The following ELP4 variants were observed in gnomAD, a reference collection of about 807,000 sequenced individuals.
ELP4 encodes elongator acetyltransferase complex subunit 4, also known as elongator complex protein 4.
In ELP4, 51 loss-of-function variants were observed where a neutral mutation model predicts 48.9. The ratio of observed to expected loss-of-function variants is 1.04; its 90% CI spans 0.83 to 1.32. ELP4 has a LOEUF of 1.32. Ranked by LOEUF, ELP4 falls within the 40% of genes most tolerant of loss-of-function variation. ELP4 has a pLI of 0.00. For synonymous variants in ELP4, 210 were observed against 189.2 expected (o/e 1.11, Z -0.90); for missense variants, 519 against 514.6 (o/e 1.01, Z -0.08).
chr11:31,559,706 C>T (rs1002094680), intron 3 of ELP4, among the ~76,000 whole-genome samples: 10 of 151,992 alleles, frequency 6.6e-5, no homozygotes, highest in Admixed American at 1.3e-4. Flanking sequence ...GAGTTCGAGA[C>T]CAGCCTGACC....
rs970675613 is a variant in ELP4, at chr11:31,545,350, T to G, written c.381+5567T>G. Among the ~76,000 whole-genome samples, 6 of 152,266 alleles carry G rather than the reference T, an allele frequency of 3.9e-5. No homozygotes were observed. In the East Asian group the frequency reaches 9.7e-4, roughly 25 times the overall value. On this transcript the variant is annotated intron_variant, in intron 3 of 9. Coordinates refer to ENST00000640961, the MANE Select transcript of ELP4 (RefSeq NM_019040.5). The stretch of plus-strand genomic sequence containing the variant: ...TATGTGAAGAATGCAGAAGCCTCAG[T>G]AGCCGATGCGATCAACTGGAAGAAA...
At chr11:31,634,657 G>T (rs1944934841) in intron 7 of ELP4, among the ~76,000 whole-genome samples, 1 of 151,896 alleles carries the variant, frequency 6.6e-6, no homozygotes, top group African/African-American at 2.4e-5. Context: ...ATGAGTGAAT[G>T]ATGTAGTGAT....
At chr11:31,667,329 G>A (rs1945701725) in intron 9 of ELP4, among the ~76,000 whole-genome samples, 1 of 152,034 alleles carries the variant, frequency 6.6e-6, no homozygotes, top group African/African-American at 2.4e-5. Flanking sequence ...ATAATCTTAT[G>A]AAGCAGTAGT....
chr11:31,571,255 C>T (rs1180201843), intron 3 of ELP4, among the ~76,000 whole-genome samples: 1 of 152,208 alleles, frequency 6.6e-6, no homozygotes, highest in Non-Finnish European at 1.5e-5. Flanking sequence ...GTTATTTCAA[C>T]AGTGTTCATA....
chr11:31,653,250 G>A (rs1244670706), intron 9 of ELP4: 1 of 151,596 alleles, frequency 6.6e-6, no homozygotes, highest in Non-Finnish European at 1.5e-5. Context: ...CATGCATTCT[G>A]GATAAGTAAA....
At chr11:31,654,351 G>C (rs1002834318) in intron 9 of ELP4, 5 of 151,678 alleles carry the variant, frequency 3.3e-5, no homozygotes, top group African/African-American at 1.2e-4. Flanking sequence ...CAAAAAAATA[G>C]TGTCAAAGTA....
chr11:31,673,452 C>T (rs1945852934), intron 9 of ELP4, among the ~76,000 whole-genome samples: 1 of 152,144 alleles, frequency 6.6e-6, no homozygotes, highest in Non-Finnish European at 1.5e-5. Flanking sequence ...CTGCCTCGTC[C>T]TCCCAAGTAA....
intron 5 of ELP4, among the ~76,000 whole-genome samples, chr11:31,626,836 T>C (rs993024864): frequency 6.6e-6 from 1 of 151,830 alleles, no homozygotes; most frequent in African/African-American, 2.4e-5. Context: ...TTCTTGGAGG[T>C]AACTAAGCCT....
intron 7 of ELP4, among the ~76,000 whole-genome samples, chr11:31,640,867 C>T (rs113291499): frequency 1.2e-4 from 18 of 151,798 alleles, no homozygotes; most frequent in African/African-American, 4.1e-4. Context: ...TTAAAATCAG[C>T]AAACCAAATG....
At chr11:31,652,073 G>C (rs938421012) in intron 9 of ELP4, 2 of 151,604 alleles carry the variant, frequency 1.3e-5, no homozygotes, top group African/African-American at 4.8e-5. Flanking sequence ...TCCCACTATG[G>C]TAAACTAAGA....
chr11:31,659,742 C>T (rs1347498197), intron 9 of ELP4, among the ~76,000 whole-genome samples: 4 of 152,056 alleles, frequency 2.6e-5, no homozygotes, highest in Non-Finnish European at 5.9e-5. Flanking sequence ...AATCTCAGCA[C>T]TTTGGGAGGC....
At chr11:31,594,705 A>G in intron 3 of ELP4, 65 bp from the exon 4 acceptor site, 4 of 1,173,234 alleles carry the variant, frequency 3.4e-6, no homozygotes, top group Non-Finnish European at 4.6e-6. Context: ...TGCTAATATT[A>G]TGGTTTAAGA....
Position 31,638,501 on chromosome 11 carries a change from A to G in ELP4, c.927+6096A>G, listed in dbSNP as rs1221250026. ...CCCAGCTATCTCATTGAAGAAAACT[A>G]TTACCAGCATGTTAGCTTATACCAA... On this transcript the variant is annotated intron_variant, in intron 7 of 9. Coordinates refer to ENST00000640961, the MANE Select transcript of ELP4 (RefSeq NM_019040.5). Among the ~76,000 whole-genome samples the G allele has an allele frequency of 2.6e-5, 4 of 151,886 alleles. No homozygotes were observed. In the South Asian group the frequency reaches 6.2e-4, roughly 24 times the overall value.
intron 3 of ELP4, among the ~76,000 whole-genome samples, chr11:31,571,132 T>C (rs1337875646): frequency 6.6e-6 from 1 of 152,188 alleles, no homozygotes; most frequent in Non-Finnish European, 1.5e-5. Context: ...CCTGCACATG[T>C]ACCCTCAGAA....
intron 9 of ELP4, among the ~76,000 whole-genome samples, chr11:31,725,920 C>T (rs144428118): frequency 2.0e-5 from 3 of 152,194 alleles, no homozygotes; most frequent in Admixed American, 6.5e-5. Flanking sequence ...TTTGATGCAG[C>T]GTCAAGTTCT....
At position 31,705,009 on chromosome 11, in the gene ELP4, CA is replaced by C. The variant is rs777988313; in HGVS notation, c.1143+54803del. ...CTGGGAACAGAGCGAGACTCCATCT[CA>C]AAAAAAAAAAAAAATTATATAGTAT... On this transcript the variant is annotated intron_variant, in intron 9 of 9. Transcript: ENST00000640961. Among the ~76,000 whole-genome samples the C allele has an allele frequency of 7.5e-3, 857 of 114,454 alleles. 10 individuals are homozygous for C. The highest frequency in any genetic ancestry group is 0.022 in the African/African-American group (681 of 30,718). 75.1% of individuals were successfully genotyped at this position (114,454 alleles called of 152,430 possible). A position where few individuals can be genotyped will look rare whatever the true frequency, so the allele number is the denominator to read the frequency against.
chr11:31,574,642 C>T (rs1957241575), intron 3 of ELP4, among the ~76,000 whole-genome samples: 2 of 152,208 alleles, frequency 1.3e-5, no homozygotes, highest in Admixed American at 6.5e-5. Flanking sequence ...TGCTGTTCTA[C>T]AGCCTCCACT....
At chr11:31,544,480 G>A (rs1331657231) in intron 3 of ELP4, among the ~76,000 whole-genome samples, 1 of 152,196 alleles carries the variant, frequency 6.6e-6, no homozygotes, top group Admixed American at 6.5e-5. Flanking sequence ...GTTTGCTTAG[G>A]TAAACAAAGC....
intron 3 of ELP4, among the ~76,000 whole-genome samples, chr11:31,549,002 C>T (rs1457908673): frequency 1.3e-5 from 2 of 152,076 alleles, no homozygotes; most frequent in Non-Finnish European, 2.9e-5. Flanking sequence ...GGATTAAAGA[C>T]TTAAACGTTA....
Sources: gnomAD v4.1 joint callset for allele counts (sites outside exome capture counted in the v4.1 genomes callset) on GRCh38, gnomAD v4.1.1 for gene constraint, MANE v1.5 for transcripts, NCBI Gene and HGNC (gene_info 2026-07-23, HGNC 2026-07-21) for gene names.